The following ZEB1 variants were observed in gnomAD, a reference collection of about 807,000 sequenced individuals.
ZEB1 encodes zinc finger E-box-binding homeobox 1.
Under a neutral mutation model 84.9 loss-of-function variants are expected in ZEB1, and 21 were observed. The observed-to-expected ratio is 0.25, with a 90% confidence interval of 0.18 to 0.36. The LOEUF (loss-of-function observed/expected upper bound fraction) is 0.36. Ranked by LOEUF, ZEB1 falls within the 10% of genes least tolerant of loss-of-function variation. The pLI, the probability that ZEB1 is intolerant of heterozygous loss-of-function variation, is 1.00. For synonymous variants in ZEB1, 420 were observed against 471.1 expected (o/e 0.89, Z 1.41); for missense variants, 1,104 against 1,330.2 (o/e 0.83, Z 2.65).
chr10:31,473,150 A>G (rs1289520163), intron 2 of ZEB1, among the ~76,000 whole-genome samples: 12 of 151,050 alleles, frequency 7.9e-5, no homozygotes, highest in Admixed American at 2.0e-4. Context: ...AACTGGCACA[A>G]GACAGGGATG....
At chr10:31,390,816 T>C (rs1002312363) in intron 1 of ZEB1, among the ~76,000 whole-genome samples, 1 of 152,200 alleles carries the variant, frequency 6.6e-6, no homozygotes, top group Non-Finnish European at 1.5e-5. Flanking sequence ...AGTTCAGCAA[T>C]CAGTCTCCTA....
In ZEB1 at chr10:31,509,665, A is replaced by T. The variant is rs546084277; in HGVS notation, c.485-1008A>T. On this transcript the variant is annotated intron_variant, in intron 4 of 8. Transcript: ENST00000424869. ...ATTTGATTTATATGGACTTGAATAAAGGAATATATGTTCAGAAAGCACTTG... is the reference window on the plus strand; with the variant it reads ...ATTTGATTTATATGGACTTGAATAATGGAATATATGTTCAGAAAGCACTTG... 2.6e-4 allele frequency among the ~76,000 whole-genome samples: 40 copies of T among 152,354 alleles called. No individual in the cohort carries two copies. In the South Asian group the frequency reaches 8.3e-3, roughly 32 times the overall value.
At chr10:31,383,965 C>CTTTT (rs66865546) in intron 1 of ZEB1, among the ~76,000 whole-genome samples, 2 of 56,374 alleles carry the variant, frequency 3.5e-5, no homozygotes, top group Non-Finnish European at 6.5e-5. Context: ...TAGATTAGTG[C>CTTTT]TTTTTTTTTT....
chr10:31,506,006 T>G (rs1380838830), intron 4 of ZEB1, among the ~76,000 whole-genome samples: 2 of 152,034 alleles, frequency 1.3e-5, no homozygotes, highest in Non-Finnish European at 2.9e-5. Context: ...ATTTTCCTCC[T>G]TATTTCTTCC....
chr10:31,332,689 A>G (rs527557135), intron 1 of ZEB1, among the ~76,000 whole-genome samples: 3 of 152,316 alleles, frequency 2.0e-5, no homozygotes, highest in Non-Finnish European at 4.4e-5. Flanking sequence ...GTATACTACA[A>G]GATAGATTAA....
chr10:31,325,796 T>G (rs1211411843), intron 1 of ZEB1, among the ~76,000 whole-genome samples: 1 of 152,018 alleles, frequency 6.6e-6, no homozygotes, highest in African/African-American at 2.4e-5. Context: ...TTTAAATGTT[T>G]AAGATATTTT....
intron 1 of ZEB1, among the ~76,000 whole-genome samples, chr10:31,351,589 A>G (rs905903484): frequency 6.6e-6 from 1 of 152,152 alleles, no homozygotes; most frequent in Admixed American, 6.5e-5. Flanking sequence ...TTAAATCATA[A>G]GAGACTCTTT....
At chr10:31,444,580 T>C (rs1334629959) in intron 1 of ZEB1, among the ~76,000 whole-genome samples, 1 of 151,558 alleles carries the variant, frequency 6.6e-6, no homozygotes, top group Admixed American at 6.6e-5. Context: ...CATCTTGAAT[T>C]GATTTTTGTA....
chr10:31,415,005 CAT>C (rs1254273538), intron 1 of ZEB1, among the ~76,000 whole-genome samples: 1 of 152,164 alleles, frequency 6.6e-6, no homozygotes, highest in African/African-American at 2.4e-5. Context: ...AACCAGGAAT[CAT>C]AGATTTCATT....
chr10:31,498,312 A>T (rs762730395), intron 3 of ZEB1, among the ~76,000 whole-genome samples: 5 of 152,050 alleles, frequency 3.3e-5, no homozygotes, highest in Non-Finnish European at 7.4e-5. Flanking sequence ...AAGAGCTCAG[A>T]TTTTATACCT....
intron 2 of ZEB1, among the ~76,000 whole-genome samples, chr10:31,463,764 A>G (rs2062066251): frequency 6.6e-6 from 1 of 152,238 alleles, no homozygotes. Context: ...ATTTGAGTTT[A>G]AAGTGGAACT....
chr10:31,419,157 G>C (rs1307714854), intron 1 of ZEB1, among the ~76,000 whole-genome samples: 1 of 152,072 alleles, frequency 6.6e-6, no homozygotes, highest in Non-Finnish European at 1.5e-5. Context: ...GTACAGAAGA[G>C]GTCACTTACA....
Position 31,521,479 on chromosome 10 carries a change from A to G in ZEB1, c.2147A>G (p.Asn716Ser). The G allele has an allele frequency of 6.2e-7, 1 of 1,614,120 alleles. No individual in the cohort carries two copies. Among genetic ancestry groups the G allele is most frequent in the Non-Finnish European group, 8.5e-7 (1 of 1,180,020 alleles). Residue 716 changes from asparagine to serine, a missense_variant, in exon 7 of 9, where the codon AAT becomes AGT. By Grantham distance (46) the Asn-to-Ser change is conservative (BLOSUM62 1). This residue lies in a region of ZEB1 where 531 missense variants were observed against 575.2 expected (regional missense o/e 0.92). Coordinates refer to ENST00000424869, the MANE Select transcript of ZEB1 (RefSeq NM_001174096.2). Reference sequence around the variant, plus strand: ...CCTCTAAACCTTTCCTCATCCAGAAATACACAGGGTTACTTGTACACAGCT... The same window carrying G: ...CCTCTAAACCTTTCCTCATCCAGAAGTACACAGGGTTACTTGTACACAGCT... ...PSPLNLSSSR[N>S]TQGYLYTAEG...
intron 1 of ZEB1, among the ~76,000 whole-genome samples, chr10:31,441,890 T>C (rs2136565232): frequency 1.3e-5 from 2 of 152,300 alleles, no homozygotes; most frequent in African/African-American, 4.8e-5. Flanking sequence ...ATGGCAATCA[T>C]TAAAAAGTCA....
At chr10:31,430,656 G>C (rs1397133542) in intron 1 of ZEB1, among the ~76,000 whole-genome samples, 1 of 152,012 alleles carries the variant, frequency 6.6e-6, no homozygotes, top group Non-Finnish European at 1.5e-5. Flanking sequence ...AAATTTTTAA[G>C]CTTAGCTTAA....
intron 1 of ZEB1, among the ~76,000 whole-genome samples, chr10:31,443,321 A>T (rs2059276187): frequency 2.7e-5 from 4 of 150,156 alleles, no homozygotes; most frequent in South Asian, 4.2e-4. Context: ...TTTTGACTTG[A>T]TTTTTTTCTG....
At chr10:31,378,265 G>A (rs2047026113) in intron 1 of ZEB1, among the ~76,000 whole-genome samples, 1 of 151,268 alleles carries the variant, frequency 6.6e-6, no homozygotes, top group Non-Finnish European at 1.5e-5. Context: ...TGCTCTGATA[G>A]GTTTAGCATC....
At position 31,441,165 on chromosome 10, in the gene ZEB1, G is replaced by A. The variant is rs566896182; in HGVS notation, c.59-19872G>A. Among the ~76,000 whole-genome samples, 1,068 of 152,192 alleles carry A rather than the reference G, an allele frequency of 7.0e-3. 12 individuals carry two copies. The highest frequency in any genetic ancestry group is 0.024 in the African/African-American group (979 of 41,494). The stretch of plus-strand genomic sequence containing the variant: ...TACCTGACTTCAAACTATACTACAA[G>A]GCAACAGTAACCAAAACAGCATGGT... On this transcript the variant is annotated intron_variant, in intron 1 of 8. Coordinates refer to ENST00000424869, the MANE Select transcript of ZEB1 (RefSeq NM_001174096.2).
At chr10:31,452,331 A>G (rs2060655300) in intron 1 of ZEB1, among the ~76,000 whole-genome samples, 1 of 152,058 alleles carries the variant, frequency 6.6e-6, no homozygotes, top group Non-Finnish European at 1.5e-5. Context: ...TTCATTATAC[A>G]GTAAAATATA....
Sources: gnomAD v4.1 joint callset for allele counts (sites outside exome capture counted in the v4.1 genomes callset) on GRCh38, gnomAD v4.1.1 for gene constraint, gnomAD v4.1.1 regional missense constraint, MANE v1.5 for transcripts, NCBI Gene and HGNC (gene_info 2026-07-23, HGNC 2026-07-21) for gene names.